The following LRP2BP variants were observed in gnomAD, a reference collection of about 807,000 sequenced individuals.
The protein encoded by LRP2BP is LRP2 binding protein.
In LRP2BP, 38 loss-of-function variants were observed where a neutral mutation model predicts 45.2. The ratio of observed to expected loss-of-function variants is 0.84; its 90% CI spans 0.65 to 1.10. The LOEUF (loss-of-function observed/expected upper bound fraction) is 1.10. Ranked by LOEUF, LRP2BP falls within the 50% of genes least tolerant of loss-of-function variation. The pLI is 0.00. For synonymous variants in LRP2BP, 153 were observed against 153.9 expected (o/e 0.99, Z 0.04); for missense variants, 385 against 418.9 (o/e 0.92, Z 0.71).
In LRP2BP at chr4:185,372,904, T is replaced by A. The variant is rs1411560589; in HGVS notation, c.755A>T (p.Tyr252Phe). ...TGTAAAAAATTTCATCTTATAGTAATACTCCACGAGATTCCCTTGAGCATA... is the reference window on the plus strand; with the variant it reads ...TGTAAAAAATTTCATCTTATAGTAAAACTCCACGAGATTCCCTTGAGCATA... ...NVYAQGNLVE[Y>F]YYKMKFFTKC... The change falls in exon 7 of 9, where the codon TAT (tyrosine) becomes TTT (phenylalanine). Residue 252 changes from tyrosine (Y) to phenylalanine (F), a missense_variant. Physicochemically the swap from Tyr to Phe is conservative, Grantham distance 22. Coordinates refer to ENST00000505916, the MANE Select transcript of LRP2BP (RefSeq NM_001377440.1). The A allele has an allele frequency of 5.6e-6, 9 of 1,612,756 alleles. No individual in the cohort carries two copies. Among genetic ancestry groups the A allele is most frequent in the Non-Finnish European group, 7.6e-6 (9 of 1,178,810 alleles).
intron 1 of LRP2BP, among the ~76,000 whole-genome samples, chr4:185,394,242 C>G (rs1445191668): frequency 7.6e-6 from 1 of 132,294 alleles, no homozygotes; most frequent in Non-Finnish European, 1.5e-5. Context: ...CTGGGCAAGA[C>G]AGCGAGATTG....
intron 1 of LRP2BP, 60 bp from the exon 2 acceptor site, chr4:185,378,267 G>C: frequency 6.3e-7 from 1 of 1,587,156 alleles, no homozygotes; most frequent in Non-Finnish European, 8.5e-7. Context: ...AGTGCAAAGA[G>C]AGACTCTATT....
chr4:185,374,765 C>G (rs1277887713), intron 4 of LRP2BP, among the ~76,000 whole-genome samples: 1 of 152,150 alleles, frequency 6.6e-6, no homozygotes, highest in African/African-American at 2.4e-5. Context: ...TCTCTCCTCC[C>G]TCCCATCTAA....
intron 1 of LRP2BP, among the ~76,000 whole-genome samples, chr4:185,384,838 C>T (rs2095465745): frequency 6.6e-6 from 1 of 152,052 alleles, no homozygotes; most frequent in African/African-American, 2.4e-5. Flanking sequence ...TCTCAAAAGA[C>T]AATACTGATT....
chr4:185,388,495 T>TCGC (rs1375105026), intron 1 of LRP2BP, among the ~76,000 whole-genome samples: 25 of 39,360 alleles, frequency 6.4e-4, no homozygotes, highest in Middle Eastern at 0.018. Context: ...TGCCTACCTA[T>TCGC]CAGGCCTACC....
chr4:185,373,552 C>A (rs1455576611), intron 6 of LRP2BP, among the ~76,000 whole-genome samples: 3 of 152,202 alleles, frequency 2.0e-5, no homozygotes, highest in Non-Finnish European at 4.4e-5. Context: ...TTGCCTCATA[C>A]TCTGCTACAG....
chr4:185,396,867 C>G (rs540139187), upstream of LRP2BP: 10 of 1,585,880 alleles, frequency 6.3e-6, no homozygotes, highest in South Asian at 2.2e-5. Context: ...CGGGGTGCGG[C>G]GAGTGTCTCA....
chr4:185,368,590 G>A (rs1299493181), intron 8 of LRP2BP, among the ~76,000 whole-genome samples: 1 of 152,120 alleles, frequency 6.6e-6, no homozygotes, highest in Admixed American at 6.5e-5. Context: ...TGCGTCATAT[G>A]ATATCATTCC....
In LRP2BP at chr4:185,378,115, G is replaced by T. The variant is rs1387003642; in HGVS notation, c.72C>A (p.Asn24Lys). Residue 24 changes from asparagine to lysine, a missense_variant, in exon 2 of 9, where the codon AAC (asparagine) becomes AAA (lysine). Asn to Lys is a moderately conservative substitution (Grantham distance 94). Transcript: ENST00000505916. ...YASVSQYAAKNQKFFQWKKEK... is the reference protein window; with the variant it reads ...YASVSQYAAKKQKFFQWKKEK... ...CCTTTTTCCACTGGAAAAATTTTTG[G>T]TTTTTAGCAGCATACTGAGATACAG... is the stretch of plus-strand genomic sequence containing the variant. The T allele has an allele frequency of 1.2e-6, 2 of 1,613,572 alleles. No homozygotes were observed. Among genetic ancestry groups the T allele is most frequent in the South Asian group, 1.1e-5 (1 of 90,964 alleles).
chr4:185,385,132 C>T (rs960432319), intron 1 of LRP2BP, among the ~76,000 whole-genome samples: 29 of 152,226 alleles, frequency 1.9e-4, no homozygotes, highest in Admixed American at 1.4e-3. Context: ...ACCATGTATT[C>T]TGTGATCAAA....
At chr4:185,378,654 A>G (rs1305693253) in intron 1 of LRP2BP, 2 of 987,124 alleles carry the variant, frequency 2.0e-6, no homozygotes, top group African/African-American at 3.5e-5. Context: ...CTGGGAATAC[A>G]CTTTATTTTA....
intron 7 of LRP2BP, among the ~76,000 whole-genome samples, chr4:185,371,357 G>C (rs1225035804): frequency 6.6e-6 from 1 of 151,906 alleles, no homozygotes; most frequent in Non-Finnish European, 1.5e-5. Context: ...GGCTAACATG[G>C]TGAAACCCCG....
upstream of LRP2BP, chr4:185,396,775 G>A: frequency 1.2e-6 from 1 of 808,352 alleles, no homozygotes; most frequent in Non-Finnish European, 2.1e-6. Flanking sequence ...GAGCTGGGGC[G>A]CGGCTGCCAA....
At chr4:185,386,567 T>A (rs1026005778) in intron 1 of LRP2BP, among the ~76,000 whole-genome samples, 2 of 152,078 alleles carry the variant, frequency 1.3e-5, no homozygotes, top group African/African-American at 4.8e-5. Context: ...ATGGGGCAGG[T>A]GGATTCCAGC....
intron 1 of LRP2BP, among the ~76,000 whole-genome samples, chr4:185,382,670 C>G (rs1376314621): frequency 6.6e-6 from 1 of 152,190 alleles, no homozygotes; most frequent in African/African-American, 2.4e-5. Context: ...AATGTCTATT[C>G]AAAGCTTTTG....
intron 1 of LRP2BP, among the ~76,000 whole-genome samples, chr4:185,380,640 T>C (rs2095453273): frequency 6.6e-6 from 1 of 152,222 alleles, no homozygotes; most frequent in African/African-American, 2.4e-5. Flanking sequence ...CTTGATTACA[T>C]GTAAAATATC....
At chr4:185,396,412 C>T (rs2095503000), upstream of LRP2BP, 2 of 153,406 alleles carry the variant, frequency 1.3e-5, no homozygotes, top group Middle Eastern at 3.3e-3. Flanking sequence ...GCAGCCGAAA[C>T]TCCCGCTTCT....
chr4:185,387,930 TAACTCC>T (rs1460836836), intron 1 of LRP2BP, among the ~76,000 whole-genome samples: 1 of 152,140 alleles, frequency 6.6e-6, no homozygotes, highest in Non-Finnish European at 1.5e-5. Context: ...CCTCCCTCTC[TAACTCC>T]TTTTCCCCAC....
At chr4:185,390,704 T>C (rs1226591495) in intron 1 of LRP2BP, 1 of 152,166 alleles carries the variant, frequency 6.6e-6, no homozygotes, top group African/African-American at 2.4e-5. Flanking sequence ...CGGCACGTCT[T>C]ACGAGGAAAT....
Sources: allele counts gnomAD v4.1 joint callset (sites outside exome capture counted in the v4.1 genomes callset), GRCh38; gene constraint gnomAD v4.1.1; transcripts MANE v1.5; gene names NCBI Gene and HGNC (gene_info 2026-07-23, HGNC 2026-07-21).